Variants in KPNA1 observed in about 807,000 individuals in gnomAD.
KPNA1 encodes the protein karyopherin subunit alpha 1.
KPNA1 carries 10 observed loss-of-function variants against 70.5 expected under a neutral mutation model. The ratio of observed to expected loss-of-function variants is 0.14; its 90% CI spans 0.09 to 0.24. KPNA1 has a LOEUF of 0.24. KPNA1 is among the 10% of genes least tolerant of loss of function. The pLI, the probability that KPNA1 is intolerant of heterozygous loss-of-function variation, is 1.00. For missense variants in KPNA1, 397 were observed against 637.9 expected (o/e 0.62, Z 4.07); for synonymous variants, 192 against 221.9 (o/e 0.87, Z 1.20).
At chr3:122,436,330 T>TTTGCCTTGTGATATTTTA (rs1197651381) in intron 11 of KPNA1, among the ~76,000 whole-genome samples, 3 of 152,202 alleles carry the variant, frequency 2.0e-5, no homozygotes, top group Non-Finnish European at 4.4e-5. Context: ...TGCTCTGCCA[T>TTTGCCTTGTGATATTTTA]TTGCCTTGTG....
rs531902469 is a variant in KPNA1 at position 122,511,588 on chromosome 3, G to A, written c.-6+3169C>T. Among the ~76,000 whole-genome samples, 197 of 152,226 alleles carry A rather than the reference G, an allele frequency of 1.3e-3. 2 individuals carry two copies. Among genetic ancestry groups the A allele is most frequent in the South Asian group, 4.8e-3 (23 of 4,820 alleles). On this transcript the variant is annotated intron_variant, in intron 1 of 13. Coordinates refer to ENST00000344337, the MANE Select transcript of KPNA1 (RefSeq NM_002264.4). ...ACAACCTCAAAATTTTCTAATGCAG[G>A]CCCTATCTGGCCCTCAGTTGGCCTC...
At chr3:122,444,452 C>T (rs1021749342) in intron 9 of KPNA1, among the ~76,000 whole-genome samples, 2 of 152,084 alleles carry the variant, frequency 1.3e-5, no homozygotes, top group Non-Finnish European at 2.9e-5. Flanking sequence ...GAAATCTTCA[C>T]GATTTATGTT....
chr3:122,500,114 T>TTTG (rs533402378), intron 1 of KPNA1, among the ~76,000 whole-genome samples: 2,786 of 151,960 alleles, frequency 0.018, 77 homozygotes, highest in African/African-American at 0.063. Flanking sequence ...CAACTGTTTT[T>TTTG]TTGTTGTTGT....
intron 1 of KPNA1, among the ~76,000 whole-genome samples, chr3:122,502,948 A>C (rs1371378537): frequency 6.6e-6 from 1 of 152,100 alleles, no homozygotes; most frequent in African/African-American, 2.4e-5. Flanking sequence ...ATACAAAAAA[A>C]TTAGACAGGC....
At chr3:122,451,687 T>C in intron 7 of KPNA1, 54 bp from the exon 8 acceptor site, 1 of 1,123,788 alleles carries the variant, frequency 8.9e-7, no homozygotes, top group Admixed American at 1.9e-5. Flanking sequence ...GATTATCTGA[T>C]GACATAAATA....
intron 5 of KPNA1, chr3:122,460,215 C>A (rs901295667): frequency 1.0e-6 from 1 of 985,246 alleles, no homozygotes; most frequent in African/African-American, 1.7e-5. Context: ...CAGTTGGTTA[C>A]TCCAGGGAAG....
chr3:122,422,422 T>TC lies in KPNA1; in HGVS notation c.*4562_*4563insG, dbSNP rs939538091. 18 of 151,620 alleles carry TC rather than the reference T, an allele frequency of 1.2e-4. No homozygotes were observed. The highest frequency in any genetic ancestry group is 7.2e-4 in the Admixed American group (11 of 15,232). 9.4% of individuals were successfully genotyped at this position (151,620 alleles called of 1,614,324 possible). A position where few individuals can be genotyped will look rare whatever the true frequency, so the allele number is the denominator to read the frequency against. ...TTTTAGCACCACAGAAGAGGAAAGA[T>TC]GTTTGGCCTGAGAGGGCCTACACTC... On this transcript the variant is annotated 3_prime_UTR_variant, in exon 14 of 14. Coordinates refer to ENST00000344337, the MANE Select transcript of KPNA1 (RefSeq NM_002264.4).
chr3:122,483,559 G>A (rs1403940161), intron 2 of KPNA1, among the ~76,000 whole-genome samples: 1 of 152,114 alleles, frequency 6.6e-6, no homozygotes, highest in Non-Finnish European at 1.5e-5. Flanking sequence ...TGGCCAGGCT[G>A]GTCTTGAACT....
rs887715887 is a variant in KPNA1, at chr3:122,424,093, C to A, written c.*2892G>T. On this transcript the variant is annotated 3_prime_UTR_variant, in exon 14 of 14. Coordinates refer to ENST00000344337, the MANE Select transcript of KPNA1 (RefSeq NM_002264.4). ...ACCAGATGCCTTTACATCCAAAATTCTCTTAATGCTTTTTTTCCCCCACCA... is the reference window on the plus strand; with the variant it reads ...ACCAGATGCCTTTACATCCAAAATTATCTTAATGCTTTTTTTCCCCCACCA... 6.6e-6 allele frequency: 1 copy of A among 152,158 alleles called. No individual in the cohort carries two copies. The highest frequency in any genetic ancestry group is 2.1e-4 in the South Asian group (1 of 4,826). The allele number at this position is 152,158 out of a possible 1,614,324, so 9.4% of individuals were successfully genotyped here.
intron 1 of KPNA1, among the ~76,000 whole-genome samples, chr3:122,513,468 A>G (rs2076978694): frequency 6.6e-6 from 1 of 152,244 alleles, no homozygotes; most frequent in South Asian, 2.1e-4. Context: ...GGGAAAAATA[A>G]CTTGTGTACT....
chr3:122,440,112 T>TGGG (rs2076043645), intron 10 of KPNA1, among the ~76,000 whole-genome samples: 1 of 152,194 alleles, frequency 6.6e-6, no homozygotes, highest in Non-Finnish European at 1.5e-5. Context: ...CCCTATATAT[T>TGGG]GTGCCAGAAA....
At chr3:122,496,618 C>CT in intron 1 of KPNA1, 48 bp from the exon 2 acceptor site, 7 of 1,565,266 alleles carry the variant, frequency 4.5e-6, no homozygotes, top group Non-Finnish European at 6.1e-6. Context: ...GTGAAGAGCT[C>CT]TGTTATTCTA....
At chr3:122,453,001 C>T (rs552800940) in intron 6 of KPNA1, among the ~76,000 whole-genome samples, 29 of 152,132 alleles carry the variant, frequency 1.9e-4, no homozygotes, top group African/African-American at 3.4e-4. Flanking sequence ...GGCTGGAGTG[C>T]GGTGGTGTGA....
chr3:122,468,906 G>A (rs995842278), intron 2 of KPNA1, among the ~76,000 whole-genome samples: 1 of 152,126 alleles, frequency 6.6e-6, no homozygotes, highest in African/African-American at 2.4e-5. Flanking sequence ...AAACTGAAAA[G>A]AAAACAGAAA....
At chr3:122,432,239 TA>T (rs1323888435) in intron 12 of KPNA1, among the ~76,000 whole-genome samples, 2 of 152,236 alleles carry the variant, frequency 1.3e-5, no homozygotes, top group Non-Finnish European at 2.9e-5. Flanking sequence ...ACAGCATAAT[TA>T]AAATCATAGT....
At position 122,425,031 on chromosome 3, in the gene KPNA1, A is replaced by G. The variant is rs1479743283; in HGVS notation, c.*1954T>C. On this transcript the variant is annotated 3_prime_UTR_variant, in exon 14 of 14. Transcript: ENST00000344337. The stretch of plus-strand genomic sequence containing the variant: ...TCTCTCAGCACAAAGCAGCACTAGA[A>G]AAAGTAACAGTTATAGATGGGAGTT... The G allele has an allele frequency of 2.0e-5, 3 of 152,638 alleles. No individual in the cohort carries two copies. Among genetic ancestry groups the G allele is most frequent in the Non-Finnish European group, 4.4e-5 (3 of 68,042 alleles). The allele number at this position is 152,638 out of a possible 1,614,324, so 9.5% of individuals were successfully genotyped here. A position where few individuals can be genotyped will look rare whatever the true frequency, so the allele number is the denominator to read the frequency against.
chr3:122,435,267 G>A (rs1259432150), intron 11 of KPNA1, among the ~76,000 whole-genome samples: 1 of 151,938 alleles, frequency 6.6e-6, no homozygotes, highest in Non-Finnish European at 1.5e-5. Context: ...CATCTCCAAG[G>A]CCCTCTATGT....
In KPNA1 at chr3:122,423,550, A is replaced by G. The variant is rs550252409; in HGVS notation, c.*3435T>C. 4 of 152,722 alleles carry G rather than the reference A, an allele frequency of 2.6e-5. No homozygotes were observed. The South Asian group carries it at 8.3e-4, about 32-fold the overall frequency. 9.5% of individuals were successfully genotyped at this position (152,722 alleles called of 1,614,324 possible). On this transcript the variant is annotated 3_prime_UTR_variant, in exon 14 of 14. Coordinates refer to ENST00000344337, the MANE Select transcript of KPNA1 (RefSeq NM_002264.4). ...GCCTATTGATATAAAAATTTTCACA[A>G]AACTAGCGAGAAAGAAAAACCCCTT...
At chr3:122,466,457 G>A (rs1553788226) in intron 3 of KPNA1, among the ~76,000 whole-genome samples, 1 of 149,088 alleles carries the variant, frequency 6.7e-6, no homozygotes, top group African/African-American at 2.4e-5. Context: ...TAAAAAAACT[G>A]TGTGTGTGTA....
Sources: allele counts gnomAD v4.1 joint callset (sites outside exome capture counted in the v4.1 genomes callset), GRCh38; gene constraint gnomAD v4.1.1; transcripts MANE v1.5; gene names NCBI Gene and HGNC (gene_info 2026-07-23, HGNC 2026-07-21).